The following TSPAN7 variants were observed in gnomAD, a reference collection of about 807,000 sequenced individuals.
TSPAN7 encodes the protein tetraspanin-7.
A neutral mutation model predicts 17.6 loss-of-function variants in TSPAN7; 1 was observed. That is an observed-to-expected ratio of 0.06 (90% confidence interval 0.02 to 0.27). TSPAN7 has a LOEUF of 0.27. Ranked by LOEUF, TSPAN7 falls within the 10% of genes least tolerant of loss-of-function variation. TSPAN7 has a pLI of 1.00. For synonymous variants in TSPAN7, 78 were observed against 79.0 expected (o/e 0.99, Z 0.07); for missense variants, 112 against 201.7 (o/e 0.56, Z 2.69).
chrX:38,597,593 G>A (rs2069324793), intron 1 of TSPAN7, among the ~76,000 whole-genome samples: 1 of 111,379 alleles, frequency 9.0e-6, no homozygotes, highest in East Asian at 2.8e-4. Flanking sequence ...ATAAAACAAG[G>A]TTATGTATTG....
chrX:38,669,503 A>G (rs1310730868), intron 2 of TSPAN7, among the ~76,000 whole-genome samples: 1 of 111,817 alleles, frequency 8.9e-6, no homozygotes, highest in Non-Finnish European at 1.9e-5. Context: ...AAAAAGCTCT[A>G]ACCCCTACTG....
At chrX:38,671,652 GT>G (rs1190015744) in intron 3 of TSPAN7, among the ~76,000 whole-genome samples, 7 of 111,473 alleles carry the variant, frequency 6.3e-5, no homozygotes, top group Non-Finnish European at 1.1e-4. Context: ...AACCTTCATT[GT>G]TGATCTTCAC....
chrX:38,656,341 T>C (rs1182244460), intron 1 of TSPAN7, among the ~76,000 whole-genome samples: 2 of 112,124 alleles, frequency 1.8e-5, no homozygotes, highest in Non-Finnish European at 3.8e-5. Context: ...TATTCTGACA[T>C]GATCTTTTTA....
intron 1 of TSPAN7, chrX:38,646,157 C>T: frequency 1.4e-6 from 1 of 725,266 alleles, no homozygotes; most frequent in South Asian, 4.8e-5. Flanking sequence ...AAAAAAAAAA[C>T]CTGTAAATAC....
chrX:38,647,827 G>A (rs145642954), intron 1 of TSPAN7, among the ~76,000 whole-genome samples: 1,707 of 112,032 alleles, frequency 0.015, 35 homozygotes, highest in African/African-American at 0.052. Context: ...GTTGCTATAC[G>A]TTTGGATAAT....
intron 1 of TSPAN7, among the ~76,000 whole-genome samples, chrX:38,664,469 A>G (rs184827660): frequency 2.9e-3 from 319 of 111,473 alleles, no homozygotes; most frequent in Non-Finnish European, 4.4e-3. Context: ...CAAGGAAAGT[A>G]CTTTTTTAAA....
intron 1 of TSPAN7, among the ~76,000 whole-genome samples, chrX:38,568,366 AT>A (rs1381552964): frequency 9.2e-6 from 1 of 108,413 alleles, no homozygotes; most frequent in Non-Finnish European, 1.9e-5. Context: ...TTGGGGGTTA[AT>A]TTTTTGAGCT....
intron 1 of TSPAN7, among the ~76,000 whole-genome samples, chrX:38,615,312 A>G (rs1203175313): frequency 8.9e-6 from 1 of 111,825 alleles, no homozygotes; most frequent in Non-Finnish European, 1.9e-5. Flanking sequence ...AATATAAAAT[A>G]CTGACACATA....
At chrX:38,633,722 A>G (rs1305428234) in intron 1 of TSPAN7, among the ~76,000 whole-genome samples, 1 of 112,348 alleles carries the variant, frequency 8.9e-6, no homozygotes, top group African/African-American at 3.2e-5. Flanking sequence ...TCTTATTTAT[A>G]GATTAGTGTC....
intron 1 of TSPAN7, among the ~76,000 whole-genome samples, chrX:38,636,635 G>T (rs776725580): frequency 9.0e-6 from 1 of 111,657 alleles, no homozygotes; most frequent in Non-Finnish European, 1.9e-5. Context: ...CCCTGTGACA[G>T]AATCAGCATG....
intron 1 of TSPAN7, among the ~76,000 whole-genome samples, chrX:38,644,619 T>C: frequency 9.0e-6 from 1 of 111,652 alleles, no homozygotes; most frequent in Middle Eastern, 4.6e-3. Flanking sequence ...GATGAATAAA[T>C]GACGTGGATT....
Position 38,605,946 on chromosome X carries a change from A to G in TSPAN7, c.81+44319A>G, listed in dbSNP as rs1383520317. ...TAAAGACTTAAACGTTAGACCTAAA[A>G]CCATAAAAACCCTAGAAGAAAACCT... On this transcript the variant is annotated intron_variant, in intron 1 of 7. Coordinates refer to ENST00000378482, the MANE Select transcript of TSPAN7 (RefSeq NM_004615.4). Among the ~76,000 whole-genome samples the G allele has an allele frequency of 5.8e-5, 6 of 104,164 alleles. No individual in the cohort carries two copies. In the South Asian group the frequency reaches 1.4e-3, roughly 24 times the overall value. 90.5% of individuals were successfully genotyped at this position (104,164 alleles called of 115,157 possible).
intron 1 of TSPAN7, among the ~76,000 whole-genome samples, chrX:38,576,225 G>A (rs1413602599): frequency 9.0e-6 from 1 of 111,660 alleles, no homozygotes; most frequent in Non-Finnish European, 1.9e-5. Flanking sequence ...AGGAAAGTCC[G>A]ATCCTTACCC....
chrX:38,683,653 A>G (rs1256988554), intron 6 of TSPAN7, among the ~76,000 whole-genome samples: 1 of 112,890 alleles, frequency 8.9e-6, no homozygotes, highest in Non-Finnish European at 1.9e-5. Context: ...GGCTTCTGCC[A>G]GCCAGATGCA....
intron 1 of TSPAN7, among the ~76,000 whole-genome samples, chrX:38,573,880 CAT>C (rs757751777): frequency 9.0e-6 from 1 of 111,618 alleles, no homozygotes; most frequent in African/African-American, 3.2e-5. Context: ...CTATTTCAAT[CAT>C]ATCATATTAA....
At chrX:38,639,966 C>T (rs12557719) in intron 1 of TSPAN7, among the ~76,000 whole-genome samples, 5 of 111,712 alleles carry the variant, frequency 4.5e-5, no homozygotes, top group Admixed American at 3.8e-4. Context: ...CTAGAAAACT[C>T]AGCCATGAAT....
intron 4 of TSPAN7, among the ~76,000 whole-genome samples, chrX:38,675,374 C>G (rs1410588691): frequency 8.9e-6 from 1 of 112,359 alleles, no homozygotes; most frequent in East Asian, 2.8e-4. Context: ...ATATTTGCCT[C>G]AACTCACCAA....
At chrX:38,626,212 A>G (rs1391619106) in intron 1 of TSPAN7, among the ~76,000 whole-genome samples, 3 of 114 alleles carry the variant, frequency 0.026, no homozygotes, top group Non-Finnish European at 0.042. Flanking sequence ...GGTTCTGACA[A>G]ATTTTATGTT....
chrX:38,635,976 A>G (rs2069577958), intron 1 of TSPAN7, among the ~76,000 whole-genome samples: 1 of 111,792 alleles, frequency 8.9e-6, no homozygotes, highest in African/African-American at 3.3e-5. Context: ...ATTTCTGGCA[A>G]AGGATTCTAT....
Sources: gnomAD v4.1 joint callset for allele counts (sites outside exome capture counted in the v4.1 genomes callset) on GRCh38, gnomAD v4.1.1 for gene constraint, MANE v1.5 for transcripts, NCBI Gene and HGNC (gene_info 2026-07-23, HGNC 2026-07-21) for gene names.